LRRC4C: variants seen among roughly 807,000 people sequenced by gnomAD.
The protein encoded by LRRC4C is leucine-rich repeat-containing protein 4C.
Under a neutral mutation model 33.6 loss-of-function variants are expected in LRRC4C, and 5 were observed. That is an observed-to-expected ratio of 0.15 (90% CI 0.08 to 0.31). The LOEUF (loss-of-function observed/expected upper bound fraction) is 0.31, where lower values mean the gene tolerates loss of function less well. LRRC4C is among the 10% of genes least tolerant of loss of function. LRRC4C has a pLI of 1.00. For missense variants in LRRC4C, 560 were observed against 796.7 expected, an observed-to-expected ratio of 0.70 and a Z score of 3.58; for synonymous variants, 329 against 302.0, an observed-to-expected ratio of 1.09 and a Z score of -0.93.
intron 2 of LRRC4C, among the ~76,000 whole-genome samples, chr11:40,803,304 A>G (rs182851581): frequency 1.3e-5 from 2 of 152,340 alleles, no homozygotes; most frequent in East Asian, 1.9e-4. Flanking sequence ...CAAATGCTAT[A>G]TGAGAGGACC....
chr11:40,128,958 TC>T (rs1391423892), intron 6 of LRRC4C, among the ~76,000 whole-genome samples: 2 of 152,226 alleles, frequency 1.3e-5, no homozygotes, highest in African/African-American at 4.8e-5. Context: ...TTATTTTTTC[TC>T]ATACGCTCAG....
intron 2 of LRRC4C, among the ~76,000 whole-genome samples, chr11:40,821,113 C>T (rs1398498278): frequency 1.3e-5 from 2 of 151,532 alleles, no homozygotes; most frequent in African/African-American, 4.8e-5. Flanking sequence ...AAGACTTATA[C>T]ACTGAAACCT....
chr11:40,289,453 A>G (rs1261917610), intron 4 of LRRC4C, among the ~76,000 whole-genome samples: 3 of 152,156 alleles, frequency 2.0e-5, no homozygotes, highest in African/African-American at 7.2e-5. Flanking sequence ...ATATTTGAAA[A>G]CGTAACTTTA....
chr11:40,443,881 C>T (rs1325602264), intron 3 of LRRC4C, among the ~76,000 whole-genome samples: 2 of 152,154 alleles, frequency 1.3e-5, no homozygotes, highest in Admixed American at 6.5e-5. Flanking sequence ...TCATGAAATG[C>T]TATGTTGGCA....
chr11:41,215,590 T>C (rs547518242), intron 1 of LRRC4C, among the ~76,000 whole-genome samples: 1 of 152,212 alleles, frequency 6.6e-6, no homozygotes, highest in South Asian at 2.1e-4. Flanking sequence ...TTTATTTCTG[T>C]GAATTTACCT....
intron 1 of LRRC4C, among the ~76,000 whole-genome samples, chr11:41,333,854 T>C (rs1365962943): frequency 6.6e-6 from 1 of 152,232 alleles, no homozygotes. Flanking sequence ...ATTAATCTTA[T>C]GTGTCAATCT....
chr11:40,615,411 G>A (rs1392844972), intron 3 of LRRC4C, among the ~76,000 whole-genome samples: 1 of 151,204 alleles, frequency 6.6e-6, no homozygotes, highest in Non-Finnish European at 1.5e-5. Flanking sequence ...AAGCTTATAT[G>A]TGTTACTTCT....
At chr11:41,280,684 T>G (rs1949635351) in intron 1 of LRRC4C, among the ~76,000 whole-genome samples, 1 of 152,170 alleles carries the variant, frequency 6.6e-6, no homozygotes, top group Admixed American at 6.5e-5. Context: ...CATATTATTG[T>G]TCTCTCCATG....
At chr11:41,351,365 T>G (rs1045225109) in intron 1 of LRRC4C, among the ~76,000 whole-genome samples, 1 of 152,064 alleles carries the variant, frequency 6.6e-6, no homozygotes, top group African/African-American at 2.4e-5. Flanking sequence ...AACCTATCAC[T>G]CATTGGCATC....
At chr11:41,166,856 T>C (rs1944753496) in intron 1 of LRRC4C, among the ~76,000 whole-genome samples, 1 of 152,160 alleles carries the variant, frequency 6.6e-6, no homozygotes, top group African/African-American at 2.4e-5. Flanking sequence ...GTGAGGCATT[T>C]TACAGACACC....
chr11:41,417,925 T>C (rs1052960435), intron 1 of LRRC4C, among the ~76,000 whole-genome samples: 2 of 150,646 alleles, frequency 1.3e-5, no homozygotes, highest in African/African-American at 4.8e-5. Flanking sequence ...TATGTGTGTG[T>C]GTGTGTGCAT....
At chr11:40,169,723 C>T (rs1054024338) in intron 5 of LRRC4C, among the ~76,000 whole-genome samples, 1 of 152,070 alleles carries the variant, frequency 6.6e-6, no homozygotes, top group South Asian at 2.1e-4. Flanking sequence ...GATCTTACTC[C>T]ATAACCCTCG....
intron 2 of LRRC4C, among the ~76,000 whole-genome samples, chr11:40,886,647 T>C (rs1710405949): frequency 6.6e-6 from 1 of 151,954 alleles, no homozygotes; most frequent in Admixed American, 6.6e-5. Flanking sequence ...TCTTTTATTA[T>C]TCAATTTTCT....
intron 1 of LRRC4C, among the ~76,000 whole-genome samples, chr11:41,103,078 A>T (rs1941292261): frequency 6.6e-6 from 1 of 151,982 alleles, no homozygotes; most frequent in South Asian, 2.1e-4. Flanking sequence ...ATTATTATAA[A>T]TATGTATACT....
intron 1 of LRRC4C, among the ~76,000 whole-genome samples, chr11:41,133,233 A>T (rs1055324975): frequency 2.6e-5 from 4 of 152,114 alleles, no homozygotes; most frequent in Non-Finnish European, 5.9e-5. Flanking sequence ...CTAGGCTAAT[A>T]TACCCTCTGG....
At chr11:41,253,095 A>T (rs1198559261) in intron 1 of LRRC4C, among the ~76,000 whole-genome samples, 2 of 152,138 alleles carry the variant, frequency 1.3e-5, no homozygotes, top group Non-Finnish European at 2.9e-5. Context: ...GAATAACTTT[A>T]TATGGTTGGT....
At chr11:40,863,052 G>T (rs1322768215) in intron 2 of LRRC4C, among the ~76,000 whole-genome samples, 1 of 152,212 alleles carries the variant, frequency 6.6e-6, no homozygotes, top group African/African-American at 2.4e-5. Flanking sequence ...AGCACTGAAG[G>T]TTATCATCAC....
chr11:40,402,255 G>C (rs1949789158), intron 3 of LRRC4C, among the ~76,000 whole-genome samples: 1 of 152,030 alleles, frequency 6.6e-6, no homozygotes. Context: ...AACAAAAGTT[G>C]GTATCAGTAA....
intron 5 of LRRC4C, among the ~76,000 whole-genome samples, chr11:40,177,832 CTG>C (rs945582181): frequency 2.6e-5 from 4 of 152,018 alleles, no homozygotes; most frequent in Non-Finnish European, 5.9e-5. Context: ...AGATCTTTGT[CTG>C]TATTTTTTCC....
Sources: gnomAD v4.1 joint callset for allele counts (sites outside exome capture counted in the v4.1 genomes callset) on GRCh38, gnomAD v4.1.1 for gene constraint, MANE v1.5 for transcripts, NCBI Gene and HGNC (gene_info 2026-07-23, HGNC 2026-07-21) for gene names.